Variants in GALNT14 observed in about 807,000 individuals in gnomAD.
GALNT14 encodes polypeptide N-acetylgalactosaminyltransferase 14.
In GALNT14, 60 loss-of-function variants were observed where a neutral mutation model predicts 77.5. That is an observed-to-expected ratio of 0.77 (90% CI 0.63 to 0.96). The LOEUF is 0.96. Ranked by LOEUF, GALNT14 falls within the 40% of genes least tolerant of loss-of-function variation. The pLI is 0.00. For missense variants in GALNT14, 710 were observed against 731.0 expected (o/e 0.97, Z 0.33); for synonymous variants, 280 against 281.7 (o/e 0.99, Z 0.06).
chr2:30,959,265 T>C (rs1284106052), intron 3 of GALNT14, among the ~76,000 whole-genome samples: 1 of 152,216 alleles, frequency 6.6e-6, no homozygotes, highest in Admixed American at 6.5e-5. Flanking sequence ...CTTTTCTCAC[T>C]TCCCAGCCCT....
At chr2:31,014,827 G>A (rs1382131272) in intron 1 of GALNT14, among the ~76,000 whole-genome samples, 3 of 152,182 alleles carry the variant, frequency 2.0e-5, no homozygotes, top group Non-Finnish European at 2.9e-5. Context: ...CCTTACACCA[G>A]TCTTTCCTGC....
Position 30,911,289 on chromosome 2 carries a change from A to G in GALNT14, c.1501-230T>C, listed in dbSNP as rs577572343. Reference sequence around the variant, plus strand: ...AGCAAAATCAATATGTTTACTAGGAAAACTCATTAGGAGGCAATAACTTTC... The same window carrying G: ...AGCAAAATCAATATGTTTACTAGGAGAACTCATTAGGAGGCAATAACTTTC... On this transcript the variant is annotated intron_variant, in intron 14 of 14. Transcript: ENST00000349752. Among the ~76,000 whole-genome samples, 5 of 152,260 alleles carry G rather than the reference A, an allele frequency of 3.3e-5. No individual in the cohort carries two copies. The South Asian group carries it at 1.0e-3, about 32-fold the overall frequency.
At chr2:30,901,273 C>A in the GALNT14 span, among the ~76,000 whole-genome samples, 1 of 152,134 alleles carries the variant, frequency 6.6e-6, no homozygotes, top group Non-Finnish European at 1.5e-5. Context: ...AGTCTCAGAT[C>A]ACTCAAGAGA....
At chr2:31,002,869 T>C (rs905248391) in intron 1 of GALNT14, among the ~76,000 whole-genome samples, 3 of 152,216 alleles carry the variant, frequency 2.0e-5, no homozygotes, top group Non-Finnish European at 1.5e-5. Context: ...AGGAAAGAGC[T>C]GGAAAATCCT....
rs1573270771 is a variant in GALNT14 at position 31,060,670 on chromosome 2, T to C, written c.130-67663A>G. Among the ~76,000 whole-genome samples, 3 of 152,284 alleles carry C rather than the reference T, an allele frequency of 2.0e-5. No individual in the cohort carries two copies. The East Asian group carries it at 5.8e-4, about 29-fold the overall frequency. ...CAACATGACACCAGGGGCCCAGCCA[T>C]GGTGCAGCTGGGGTGATGTGTTTAA... On this transcript the variant is annotated intron_variant, in intron 1 of 14. Coordinates refer to ENST00000349752, the MANE Select transcript of GALNT14 (RefSeq NM_024572.4).
At chr2:30,971,483 T>C (rs1668352560) in intron 2 of GALNT14, among the ~76,000 whole-genome samples, 1 of 152,122 alleles carries the variant, frequency 6.6e-6, no homozygotes, top group Admixed American at 6.5e-5. Context: ...CAGCAGCTCA[T>C]GAGGAAGGCA....
intron 1 of GALNT14, among the ~76,000 whole-genome samples, chr2:31,007,640 G>GT (rs1314502305): frequency 3.9e-5 from 6 of 152,124 alleles, no homozygotes; most frequent in Non-Finnish European, 7.4e-5. Context: ...ATCAAATCCG[G>GT]TAACTGGATA....
At chr2:30,985,196 T>C (rs1669222094) in intron 2 of GALNT14, among the ~76,000 whole-genome samples, 1 of 152,150 alleles carries the variant, frequency 6.6e-6, no homozygotes, top group East Asian at 1.9e-4. Flanking sequence ...AAGGTCAACG[T>C]TAGCAGGAAT....
chr2:30,927,154 T>C (rs918831886), intron 11 of GALNT14, among the ~76,000 whole-genome samples: 1 of 152,082 alleles, frequency 6.6e-6, no homozygotes. Flanking sequence ...TGTCCCCATG[T>C]TAGAATCACC....
intron 1 of GALNT14, among the ~76,000 whole-genome samples, chr2:31,029,705 A>C (rs961713483): frequency 6.6e-6 from 1 of 151,224 alleles, no homozygotes; most frequent in African/African-American, 2.5e-5. Context: ...TACATCCCAG[A>C]GGAGTAGCAA....
At chr2:31,129,160 A>G in intron 1 of GALNT14, 1 of 154,870 alleles carries the variant, frequency 6.5e-6, no homozygotes, top group Non-Finnish European at 1.4e-5. Flanking sequence ...TATGCGTGAC[A>G]GTCAAAAGAG....
chr2:30,905,215 G>T, the GALNT14 span, among the ~76,000 whole-genome samples: 58 of 152,338 alleles, frequency 3.8e-4, no homozygotes, highest in East Asian at 0.011. Context: ...GATGGAGAAT[G>T]ACTTTGACGA....
intron 4 of GALNT14, 49 bp downstream of exon 4, chr2:30,958,348 C>T: frequency 6.6e-7 from 1 of 1,518,308 alleles, no homozygotes; most frequent in Non-Finnish European, 9.1e-7. Context: ...TACAGAGTGG[C>T]TGGGAACAGA....
At position 31,076,797 on chromosome 2, in the gene GALNT14, TAAGAATAAAGAAA is replaced by T. The variant is rs1218978662; in HGVS notation, c.129+61148_129+61160del. Among the ~76,000 whole-genome samples, 6 of 152,196 alleles carry T rather than the reference TAAGAATAAAGAAA, an allele frequency of 3.9e-5. No homozygotes were observed. The East Asian group carries it at 1.2e-3, about 29-fold the overall frequency. ...TTTGTCACCCAAACTGGAACACTTT[TAAGAATAAAGAAA>T]GGCACTGCTCTTGGACAACAGGTGT... On this transcript the variant is annotated intron_variant, in intron 1 of 14. Transcript: ENST00000349752.
the GALNT14 span, among the ~76,000 whole-genome samples, chr2:30,903,853 A>T: frequency 6.6e-6 from 1 of 152,240 alleles, no homozygotes; most frequent in East Asian, 1.9e-4. Flanking sequence ...CAGAGAAGGT[A>T]TGGGCATATT....
At chr2:30,894,703 G>A in the GALNT14 span, among the ~76,000 whole-genome samples, 4 of 152,204 alleles carry the variant, frequency 2.6e-5, no homozygotes, top group African/African-American at 9.6e-5. Flanking sequence ...AGCTCTGGTT[G>A]GCTATTACCC....
intron 1 of GALNT14, among the ~76,000 whole-genome samples, chr2:31,098,525 C>G (rs990816880): frequency 6.6e-6 from 1 of 152,128 alleles, no homozygotes. Flanking sequence ...CCTTGCCCAT[C>G]CCCAGTTCAT....
intron 1 of GALNT14, among the ~76,000 whole-genome samples, chr2:31,096,327 A>C (rs1267436107): frequency 6.6e-6 from 1 of 152,214 alleles, no homozygotes; most frequent in Non-Finnish European, 1.5e-5. Flanking sequence ...TTGGGGGCAC[A>C]TTATTCTGCC....
intron 1 of GALNT14, among the ~76,000 whole-genome samples, chr2:31,128,721 G>T (rs10166388): frequency 0.076 from 11,572 of 152,202 alleles, 591 homozygotes; most frequent in African/African-American, 0.15. Context: ...TGGGGAGGGG[G>T]AAGGGCGGAG....
Sources: allele counts gnomAD v4.1 joint callset (sites outside exome capture counted in the v4.1 genomes callset), GRCh38; gene constraint gnomAD v4.1.1; transcripts MANE v1.5; gene names NCBI Gene and HGNC (gene_info 2026-07-23, HGNC 2026-07-21).